The following COL19A1 variants were observed in gnomAD, a reference collection of about 807,000 sequenced individuals.
COL19A1 encodes the protein collagen type XIX alpha 1 chain.
A neutral mutation model predicts 190.2 loss-of-function variants in COL19A1; 159 were observed. The ratio of observed to expected loss-of-function variants is 0.84; its 90% CI spans 0.73 to 0.95. The LOEUF is 0.95. COL19A1 is among the 40% of genes least tolerant of loss of function. The pLI, the probability that COL19A1 is intolerant of heterozygous loss-of-function variation, is 0.00. For missense variants in COL19A1, 1,418 were observed against 1,431.9 expected (o/e 0.99, Z 0.16); for synonymous variants, 509 against 458.9 (o/e 1.11, Z -1.39).
At chr6:69,904,180 C>A (rs1258792511) in intron 4 of COL19A1, among the ~76,000 whole-genome samples, 1 of 152,148 alleles carries the variant, frequency 6.6e-6, no homozygotes, top group Non-Finnish European at 1.5e-5. Context: ...CATCATCTGG[C>A]CCCCAGGTAT....
At chr6:70,134,440 A>ACC (rs1785711540) in intron 18 of COL19A1, among the ~76,000 whole-genome samples, 1 of 152,210 alleles carries the variant, frequency 6.6e-6, no homozygotes, top group African/African-American at 2.4e-5. Context: ...CTAAACTTTA[A>ACC]ATTTGATGGA....
At chr6:70,042,193 G>A (rs1449416712) in intron 14 of COL19A1, among the ~76,000 whole-genome samples, 1 of 152,144 alleles carries the variant, frequency 6.6e-6, no homozygotes, top group Admixed American at 6.5e-5. Context: ...AGTGTGCTTG[G>A]GGTTAGGGAC....
At chr6:69,962,592 A>T (rs1774868335) in intron 10 of COL19A1, among the ~76,000 whole-genome samples, 1 of 152,202 alleles carries the variant, frequency 6.6e-6, no homozygotes, top group South Asian at 2.1e-4. Context: ...GCTTATCAAG[A>T]TTAAATTGCC....
At chr6:70,001,435 G>A (rs535230724) in intron 11 of COL19A1, among the ~76,000 whole-genome samples, 212 of 152,056 alleles carry the variant, frequency 1.4e-3, no homozygotes, top group African/African-American at 4.9e-3. Flanking sequence ...TAGGAATAGC[G>A]CTGGATCTAC....
intron 41 of COL19A1, among the ~76,000 whole-genome samples, chr6:70,175,224 T>C (rs569293552): frequency 6.6e-6 from 1 of 152,338 alleles, no homozygotes; most frequent in South Asian, 2.1e-4. Flanking sequence ...TCTCATGTGT[T>C]GGAGTTTTCA....
intron 9 of COL19A1, among the ~76,000 whole-genome samples, chr6:69,955,504 G>C (rs1454240038): frequency 2.0e-5 from 3 of 150,316 alleles, no homozygotes; most frequent in African/African-American, 7.4e-5. Context: ...GTACAAAACT[G>C]TATAGTAGCC....
At chr6:70,175,213 A>G (rs1220699995) in intron 41 of COL19A1, among the ~76,000 whole-genome samples, 3 of 152,100 alleles carry the variant, frequency 2.0e-5, no homozygotes, top group African/African-American at 7.2e-5. Flanking sequence ...CATTACTTCT[A>G]TCTCATGTGT....
At chr6:69,869,834 G>C (rs1561948402) in intron 1 of COL19A1, among the ~76,000 whole-genome samples, 1 of 152,214 alleles carries the variant, frequency 6.6e-6, no homozygotes, top group Non-Finnish European at 1.5e-5. Context: ...GGAATCCCAG[G>C]TTTGAGACCC....
intron 14 of COL19A1, among the ~76,000 whole-genome samples, chr6:70,062,305 A>T (rs182857926): frequency 9.2e-4 from 140 of 152,294 alleles, no homozygotes; most frequent in Non-Finnish European, 1.5e-3. Flanking sequence ...AATGAAAGCC[A>T]TCTGATTTAA....
chr6:70,091,511 G>A (rs74670801), intron 15 of COL19A1, among the ~76,000 whole-genome samples: 2,415 of 151,792 alleles, frequency 0.016, 62 homozygotes, highest in African/African-American at 0.055. Flanking sequence ...GCTGAAAGTG[G>A]GGAAAATATC....
chr6:70,113,691 C>T (rs1784401895), intron 16 of COL19A1, among the ~76,000 whole-genome samples: 1 of 152,054 alleles, frequency 6.6e-6, no homozygotes, highest in Non-Finnish European at 1.5e-5. Context: ...CTCAGCCTAA[C>T]TCTGATCTTT....
At chr6:69,996,938 G>GTGTGTA (rs1554186344) in intron 11 of COL19A1, among the ~76,000 whole-genome samples, 3,032 of 143,360 alleles carry the variant, frequency 0.021, 87 homozygotes, top group African/African-American at 0.073. Context: ...GTGTGTGTGT[G>GTGTGTA]TATATATATG....
chr6:69,887,796 A>G (rs998395721), intron 2 of COL19A1, among the ~76,000 whole-genome samples: 9 of 152,278 alleles, frequency 5.9e-5, no homozygotes, highest in South Asian at 4.1e-4. Flanking sequence ...AGGAACTCTC[A>G]CTAGGCCAGA....
intron 34 of COL19A1, among the ~76,000 whole-genome samples, chr6:70,160,453 C>T (rs374974626): frequency 1.3e-5 from 2 of 152,050 alleles, no homozygotes; most frequent in African/African-American, 2.4e-5. Context: ...ATCAACAACA[C>T]CTCATCTATA....
At chr6:70,010,071 A>C (rs1777893964) in intron 11 of COL19A1, among the ~76,000 whole-genome samples, 1 of 152,252 alleles carries the variant, frequency 6.6e-6, no homozygotes. Flanking sequence ...AAGTCAATCA[A>C]TGAAAGAAAT....
chr6:69,884,392 G>A (rs932363828), intron 2 of COL19A1, among the ~76,000 whole-genome samples: 1 of 150,644 alleles, frequency 6.6e-6, no homozygotes, highest in Non-Finnish European at 1.5e-5. Flanking sequence ...TTTAACAAAA[G>A]ATGTGATGTT....
At chr6:69,887,829 C>T (rs10755538) in intron 2 of COL19A1, among the ~76,000 whole-genome samples, 15,131 of 152,044 alleles carry the variant, frequency 0.1, 957 homozygotes, top group Middle Eastern at 0.3. Context: ...GCACTTCCCA[C>T]CAGGCTGATT....
chr6:69,894,074 C>T (rs1289850117), intron 2 of COL19A1, among the ~76,000 whole-genome samples: 4 of 152,132 alleles, frequency 2.6e-5, no homozygotes, highest in African/African-American at 9.7e-5. Context: ...AGCTGTACCC[C>T]TACCACCTTG....
intron 16 of COL19A1, among the ~76,000 whole-genome samples, chr6:70,110,190 C>T (rs1784206558): frequency 6.6e-6 from 1 of 152,130 alleles, no homozygotes; most frequent in Non-Finnish European, 1.5e-5. Context: ...CCTCAGAATA[C>T]CTTGAATGTG....
Sources: allele counts gnomAD v4.1 joint callset (sites outside exome capture counted in the v4.1 genomes callset), GRCh38; gene constraint gnomAD v4.1.1; transcripts MANE v1.5; gene names NCBI Gene and HGNC (gene_info 2026-07-23, HGNC 2026-07-21).